The following MYO16 variants were observed in gnomAD, a reference collection of about 807,000 sequenced individuals.
MYO16 encodes the protein unconventional myosin-XVI.
Under a neutral mutation model 205.3 loss-of-function variants are expected in MYO16, and 94 were observed. The ratio of observed to expected loss-of-function variants is 0.46; its 90% CI spans 0.39 to 0.54. MYO16 has a LOEUF of 0.54. Among genes scored for constraint, MYO16 ranks in the 20% least tolerant of loss-of-function variants. The probability of loss-of-function intolerance (pLI) is 0.00; values close to 1 mark genes in which losing one functional copy is unlikely to be tolerated. For missense variants in MYO16, 2,315 were observed against 2,387.5 expected (o/e 0.97, Z 0.63); for synonymous variants, 988 against 954.0 (o/e 1.04, Z -0.66).
chr13:108,806,602 C>G (rs1887120988), intron 6 of MYO16, 77 bp from the exon 7 acceptor site: 5 of 1,299,104 alleles, frequency 3.8e-6, no homozygotes, highest in Non-Finnish European at 5.4e-6. Flanking sequence ...TTAAGTAGCT[C>G]TCTTTAAACC....
chr13:108,665,913 G>T lies in MYO16; in HGVS notation c.56G>T (p.Arg19Leu). ...TGCTTTCAGCTATGTAACGTTTTTC[G>T]ATCCCATGAGATGGAAATCGACCAG... ...CCCFQLCNVF[R>L]SHEMEIDQCL... The change falls in exon 2 of 35, where the codon CGA becomes CTA. Residue 19 changes from arginine to leucine, a missense_variant. This residue lies in a region of MYO16 where 1,213 missense variants were observed against 1,274.4 expected (regional missense o/e 0.95). Coordinates refer to ENST00000457511, the MANE Select transcript of MYO16 (RefSeq NM_001198950.3). 6.2e-7 allele frequency: 1 copy of T among 1,613,608 alleles called. No homozygotes were observed. The highest frequency in any genetic ancestry group is 8.5e-7 in the Non-Finnish European group (1 of 1,179,832).
chr13:109,063,964 C>G (rs895271683), intron 27 of MYO16, among the ~76,000 whole-genome samples: 4 of 152,124 alleles, frequency 2.6e-5, no homozygotes, highest in Non-Finnish European at 4.4e-5. Context: ...AAGTTGGTAT[C>G]TCTAAGGTTC....
At chr13:108,640,920 A>G (rs1054796429) in intron 1 of MYO16, among the ~76,000 whole-genome samples, 5 of 152,204 alleles carry the variant, frequency 3.3e-5, no homozygotes, top group African/African-American at 1.2e-4. Flanking sequence ...TGTTCTGTCA[A>G]AATGAGCCTT....
At chr13:109,027,649 A>T (rs1886409182) in intron 23 of MYO16, among the ~76,000 whole-genome samples, 1 of 152,116 alleles carries the variant, frequency 6.6e-6, no homozygotes, top group South Asian at 2.1e-4. Flanking sequence ...TTGCCACACC[A>T]TGATATTTAT....
intron 34 of MYO16, among the ~76,000 whole-genome samples, chr13:109,183,153 T>A (rs1401824851): frequency 5.9e-5 from 9 of 152,244 alleles, no homozygotes; most frequent in Admixed American, 2.6e-4. Flanking sequence ...TTACTTTTTT[T>A]AAAAGTTTAT....
At chr13:108,736,053 C>A (rs1455729200) in intron 4 of MYO16, among the ~76,000 whole-genome samples, 4 of 151,978 alleles carry the variant, frequency 2.6e-5, no homozygotes, top group Admixed American at 6.6e-5. Flanking sequence ...AGCCCTTTGT[C>A]AGATGAGTAG....
At chr13:108,613,021 T>C (rs746602452) in intron 1 of MYO16, among the ~76,000 whole-genome samples, 1 of 152,080 alleles carries the variant, frequency 6.6e-6, no homozygotes, top group East Asian at 1.9e-4. Flanking sequence ...GGAGCTGAGA[T>C]GAGAGAGACA....
At chr13:108,535,168 T>G in the MYO16 span, among the ~76,000 whole-genome samples, 1 of 151,944 alleles carries the variant, frequency 6.6e-6, no homozygotes, top group Non-Finnish European at 1.5e-5. Context: ...TTTTAAAAAT[T>G]TTTTTAGCAA....
intron 16 of MYO16, among the ~76,000 whole-genome samples, chr13:108,936,167 C>T (rs1159797726): frequency 1.4e-5 from 2 of 147,752 alleles, no homozygotes; most frequent in African/African-American, 2.5e-5. Flanking sequence ...CTTTCTCTCT[C>T]TTTCTCTTTC....
chr13:108,889,119 A>G (rs1338381749), intron 14 of MYO16, among the ~76,000 whole-genome samples: 6 of 152,128 alleles, frequency 3.9e-5, no homozygotes, highest in Non-Finnish European at 7.4e-5. Context: ...AGCTGGCCAG[A>G]AAAGAAATTA....
chr13:109,001,054 T>G (rs1226727987), intron 21 of MYO16, among the ~76,000 whole-genome samples: 3 of 151,866 alleles, frequency 2.0e-5, no homozygotes, highest in East Asian at 3.9e-4. Context: ...TCTTTATACA[T>G]GTGAAGTAGC....
intron 7 of MYO16, among the ~76,000 whole-genome samples, chr13:108,816,185 A>C (rs1344389941): frequency 1.3e-5 from 2 of 152,180 alleles, no homozygotes; most frequent in Non-Finnish European, 2.9e-5. Flanking sequence ...TTCAGAAGAA[A>C]CTATAGTATA....
At chr13:109,049,793 G>A (rs998030374) in intron 24 of MYO16, among the ~76,000 whole-genome samples, 3 of 152,018 alleles carry the variant, frequency 2.0e-5, no homozygotes, top group Non-Finnish European at 2.9e-5. Context: ...AACTTAAAGT[G>A]ACGAAATCAT....
At chr13:108,948,526 C>T (rs1317148651) in intron 16 of MYO16, among the ~76,000 whole-genome samples, 1 of 152,240 alleles carries the variant, frequency 6.6e-6, no homozygotes, top group Non-Finnish European at 1.5e-5. Flanking sequence ...AGTGGGGCCA[C>T]ACCTGCACCC....
chr13:109,155,294 A>T (rs1198044040), intron 32 of MYO16, among the ~76,000 whole-genome samples: 2 of 152,136 alleles, frequency 1.3e-5, no homozygotes, highest in Non-Finnish European at 2.9e-5. Flanking sequence ...CTCCCCGCTT[A>T]ACCTGGAGGA....
At chr13:108,891,428 A>G (rs1384212594) in intron 14 of MYO16, among the ~76,000 whole-genome samples, 1 of 152,242 alleles carries the variant, frequency 6.6e-6, no homozygotes, top group African/African-American at 2.4e-5. Context: ...AAATGCATAT[A>G]TGGAAAATCG....
chr13:108,932,835 A>C (rs1431031372), intron 16 of MYO16, among the ~76,000 whole-genome samples: 1 of 152,128 alleles, frequency 6.6e-6, no homozygotes, highest in African/African-American at 2.4e-5. Context: ...TAATAAAATA[A>C]GCCAAAGTTC....
chr13:109,087,563 C>T (rs148466282), intron 27 of MYO16, among the ~76,000 whole-genome samples: 10,447 of 152,150 alleles, frequency 0.069, 382 homozygotes, highest in African/African-American at 0.081. Flanking sequence ...GGAGAATCAC[C>T]TGAACCCAGG....
intron 11 of MYO16, among the ~76,000 whole-genome samples, chr13:108,855,802 T>C (rs551614291): frequency 2.0e-4 from 30 of 152,328 alleles, no homozygotes; most frequent in African/African-American, 7.2e-4. Flanking sequence ...GTACTGCTAT[T>C]AAACTTTCCT....
Sources: allele counts gnomAD v4.1 joint callset (sites outside exome capture counted in the v4.1 genomes callset), GRCh38; gene constraint gnomAD v4.1.1; regional missense constraint gnomAD v4.1.1; transcripts MANE v1.5; gene names NCBI Gene and HGNC (gene_info 2026-07-23, HGNC 2026-07-21).